Variants in XXYLT1 observed in about 807,000 individuals in gnomAD.
XXYLT1 encodes the protein xyloside xylosyltransferase 1.
A neutral mutation model predicts 28.9 loss-of-function variants in XXYLT1; 20 were observed. The ratio of observed to expected loss-of-function variants is 0.69; its 90% CI spans 0.49 to 1.00. The LOEUF (loss-of-function observed/expected upper bound fraction) is 1.00, where lower values mean the gene tolerates loss of function less well. XXYLT1 is among the 50% of genes least tolerant of loss of function. XXYLT1 has a pLI of 0.00. For synonymous variants in XXYLT1, 257 were observed against 253.8 expected (o/e 1.01, Z -0.12); for missense variants, 542 against 560.1 (o/e 0.97, Z 0.33).
chr3:195,200,167 C>T lies in XXYLT1; in HGVS notation c.652+26542G>A, dbSNP rs140119352. On this transcript the variant is annotated intron_variant, in intron 2 of 3. Transcript: ENST00000310380. ...GCTCTGCAAGACCTTCCAAATCTCG[C>T]GCTCTAGAAAGCCGTGAAGCAGCGC... is the stretch of plus-strand genomic sequence containing the variant. Among the ~76,000 whole-genome samples the T allele has an allele frequency of 3.2e-3, 494 of 152,328 alleles. 2 individuals carry two copies. The highest frequency in any genetic ancestry group is 0.011 in the African/African-American group (452 of 41,572).
chr3:195,116,075 G>A (rs1718028527), intron 3 of XXYLT1, among the ~76,000 whole-genome samples: 1 of 152,210 alleles, frequency 6.6e-6, no homozygotes, highest in Non-Finnish European at 1.5e-5. Flanking sequence ...GAAGCAGCTG[G>A]ATTGGGGTGT....
At position 195,115,438 on chromosome 3, in the gene XXYLT1, G is replaced by A. The variant is rs1018908467; in HGVS notation, c.785+41011C>T. Among the ~76,000 whole-genome samples, 7 of 152,160 alleles carry A rather than the reference G, an allele frequency of 4.6e-5. No homozygotes were observed. Among genetic ancestry groups the A allele is most frequent in the Admixed American group, 6.5e-5 (1 of 15,280 alleles). ...CAGGAGTCCTTCAAAAGGCCCAGCCGGAAACCTGCCCCTTGAGCCCCTCCA... is the reference window on the plus strand; with the variant it reads ...CAGGAGTCCTTCAAAAGGCCCAGCCAGAAACCTGCCCCTTGAGCCCCTCCA... On this transcript the variant is annotated intron_variant, in intron 3 of 3. Transcript: ENST00000310380. This position sits in a 1 kb window ranked among gnomAD's most constrained non-coding sequence, Gnocchi z 4.2.
intron 2 of XXYLT1, among the ~76,000 whole-genome samples, chr3:195,174,391 T>A (rs1721555827): frequency 6.6e-6 from 1 of 152,024 alleles, no homozygotes; most frequent in Admixed American, 6.6e-5. Flanking sequence ...CAGGCTAGAG[T>A]GCAGTGGCAC....
intron 3 of XXYLT1, among the ~76,000 whole-genome samples, chr3:195,081,322 G>T (rs1328252475): frequency 6.6e-6 from 1 of 152,196 alleles, no homozygotes; most frequent in Non-Finnish European, 1.5e-5. Flanking sequence ...AATTTGCAAA[G>T]TATACACAGG....
intron 1 of XXYLT1, among the ~76,000 whole-genome samples, chr3:195,267,608 C>T (rs1309127812): frequency 6.6e-6 from 1 of 152,168 alleles, no homozygotes; most frequent in Non-Finnish European, 1.5e-5. Flanking sequence ...GCATTTAAGA[C>T]ACGTCAATGT....
chr3:195,254,683 T>C (rs1346831313), intron 1 of XXYLT1, among the ~76,000 whole-genome samples: 2 of 152,108 alleles, frequency 1.3e-5, no homozygotes, highest in Non-Finnish European at 2.9e-5. Flanking sequence ...TGAGGTGGCA[T>C]GCTAAAGCTG....
chr3:195,115,418 G>A lies in XXYLT1; in HGVS notation c.785+41031C>T, dbSNP rs1192843352. ...ACAGCTGCTTCTGAACTAGCCAGGA[G>A]TCCTTCAAAAGGCCCAGCCGGAAAC... On this transcript the variant is annotated intron_variant, in intron 3 of 3. Coordinates refer to ENST00000310380, the MANE Select transcript of XXYLT1 (RefSeq NM_152531.5). The surrounding 1 kb of genome is among the most constrained non-coding windows in gnomAD (Gnocchi z 4.2). Among the ~76,000 whole-genome samples, 1 of 152,200 alleles carries A rather than the reference G, an allele frequency of 6.6e-6. No homozygotes were observed. The highest frequency in any genetic ancestry group is 1.5e-5 in the Non-Finnish European group (1 of 68,042).
chr3:195,089,936 T>C (rs1716036694), intron 3 of XXYLT1, among the ~76,000 whole-genome samples: 1 of 152,018 alleles, frequency 6.6e-6, no homozygotes, highest in African/African-American at 2.4e-5. Context: ...AAGAAGGCCA[T>C]TACATAATGG....
chr3:195,263,916 G>A (rs544496236), intron 1 of XXYLT1, among the ~76,000 whole-genome samples: 1 of 152,292 alleles, frequency 6.6e-6, no homozygotes, highest in South Asian at 2.1e-4. Context: ...AGACTATAGT[G>A]TCGACGGGAA....
chr3:195,112,511 CACCCACA>C (rs1560102652), intron 3 of XXYLT1, among the ~76,000 whole-genome samples: 1 of 141,318 alleles, frequency 7.1e-6, no homozygotes. Context: ...CACCCACACA[CACCCACA>C]CACACACACA....
At chr3:195,135,464 G>A (rs1719143096) in intron 3 of XXYLT1, among the ~76,000 whole-genome samples, 1 of 152,148 alleles carries the variant, frequency 6.6e-6, no homozygotes, top group Non-Finnish European at 1.5e-5. Context: ...AAGGGGTGTT[G>A]GGAGATGGGA....
rs529349682 is a variant in XXYLT1, at chr3:195,144,768, T to C, written c.785+11681A>G. Among the ~76,000 whole-genome samples, 24 of 152,252 alleles carry C rather than the reference T, an allele frequency of 1.6e-4. No homozygotes were observed. The East Asian group carries it at 4.6e-3, about 29-fold the overall frequency. ...TTTATGCAGAAGTGTGTTTCCTTGATCCTCTGTGTGATGCCTTTAACCTTG... is the reference window on the plus strand; with the variant it reads ...TTTATGCAGAAGTGTGTTTCCTTGACCCTCTGTGTGATGCCTTTAACCTTG... On this transcript the variant is annotated intron_variant, in intron 3 of 3. Coordinates refer to ENST00000310380, the MANE Select transcript of XXYLT1 (RefSeq NM_152531.5).
intron 2 of XXYLT1, among the ~76,000 whole-genome samples, chr3:195,204,083 G>T (rs564508171): frequency 5.3e-5 from 8 of 152,258 alleles, no homozygotes; most frequent in African/African-American, 1.9e-4. Context: ...AGTGGCTCAC[G>T]CCTGGAATCC....
rs539832710 is a variant in XXYLT1 at position 195,096,281 on chromosome 3, G to A, written c.786-26170C>T. ...TGGCTGCAGCCCATGCACAGCAGGA[G>A]GATCTGTGTGGCCAGACGGGGAGGC... is the stretch of plus-strand genomic sequence containing the variant. On this transcript the variant is annotated intron_variant, in intron 3 of 3. Coordinates refer to ENST00000310380, the MANE Select transcript of XXYLT1 (RefSeq NM_152531.5). Among the ~76,000 whole-genome samples the A allele has an allele frequency of 3.9e-5, 6 of 152,318 alleles. No individual in the cohort carries two copies. In the South Asian group the frequency reaches 1.0e-3, roughly 26 times the overall value.
chr3:195,088,327 G>C (rs1263312319), intron 3 of XXYLT1, among the ~76,000 whole-genome samples: 8 of 149,480 alleles, frequency 5.4e-5, no homozygotes, highest in Admixed American at 1.3e-4. Flanking sequence ...CCAGCACGCA[G>C]CTGGAGATCT....
chr3:195,199,615 G>A (rs6778914), intron 2 of XXYLT1, among the ~76,000 whole-genome samples: 15,039 of 150,288 alleles, frequency 0.1, 2,494 homozygotes, highest in African/African-American at 0.35. Flanking sequence ...GGTCTCAAAA[G>A]AAAAAAAAAG....
At chr3:195,087,611 G>T (rs1419592696) in intron 3 of XXYLT1, among the ~76,000 whole-genome samples, 1 of 152,218 alleles carries the variant, frequency 6.6e-6, no homozygotes, top group Admixed American at 6.5e-5. Context: ...GAATTTGAAT[G>T]AACATAAAGA....
intron 2 of XXYLT1, among the ~76,000 whole-genome samples, chr3:195,177,141 C>T (rs548807696): frequency 2.2e-4 from 34 of 152,346 alleles, no homozygotes; most frequent in African/African-American, 8.2e-4. Context: ...TGTGGGCTTC[C>T]CAGGCTGTCC....
chr3:195,264,244 T>C (rs773331927), intron 1 of XXYLT1, among the ~76,000 whole-genome samples: 2 of 152,236 alleles, frequency 1.3e-5, no homozygotes, highest in African/African-American at 2.4e-5. Flanking sequence ...TAAACCTCAA[T>C]AGATGAAGGT....
Sources: gnomAD v4.1 joint callset for allele counts (sites outside exome capture counted in the v4.1 genomes callset) on GRCh38, gnomAD v4.1.1 for gene constraint, Gnocchi (gnomAD v3.1) non-coding constraint, MANE v1.5 for transcripts, NCBI Gene and HGNC (gene_info 2026-07-23, HGNC 2026-07-21) for gene names.